The following FHIT variants were observed in gnomAD, a reference collection of about 807,000 sequenced individuals.
FHIT encodes fragile histidine triad diadenosine triphosphatase, also known as bis(5'-adenosyl)-triphosphatase.
In FHIT, 19 loss-of-function variants were observed where a neutral mutation model predicts 17.9. The observed-to-expected ratio is 1.06, with a 90% CI of 0.74 to 1.56. The LOEUF is 1.56. Ranked by LOEUF, FHIT falls within the 40% of genes most tolerant of loss-of-function variation. The pLI is 0.00. For synonymous variants in FHIT, 81 were observed against 69.7 expected, an observed-to-expected ratio of 1.16 and a Z score of -0.81; for missense variants, 248 against 189.2, an observed-to-expected ratio of 1.31 and a Z score of -1.82.
At chr3:60,371,352 T>A (rs1455106121) in intron 5 of FHIT, among the ~76,000 whole-genome samples, 2 of 149,586 alleles carry the variant, frequency 1.3e-5, no homozygotes, top group Admixed American at 1.3e-4. Context: ...AATTATTAAA[T>A]ATTTTCTTCT....
intron 7 of FHIT, among the ~76,000 whole-genome samples, chr3:59,946,915 AG>A (rs1362302799): frequency 2.0e-5 from 3 of 152,142 alleles, no homozygotes; most frequent in Admixed American, 6.6e-5. Flanking sequence ...TCAGTTTGCT[AG>A]TATTTGGTTG....
chr3:60,780,430 G>T (rs73836120), intron 4 of FHIT, among the ~76,000 whole-genome samples: 1 of 152,226 alleles, frequency 6.6e-6, no homozygotes, highest in South Asian at 2.1e-4. Context: ...TTTTTTGCCA[G>T]TCAGGCTTTT....
chr3:61,024,447 C>T (rs2032625500), intron 3 of FHIT, among the ~76,000 whole-genome samples: 1 of 152,122 alleles, frequency 6.6e-6, no homozygotes, highest in Non-Finnish European at 1.5e-5. Flanking sequence ...TTCTCCTAAG[C>T]TTTAAATTTC....
intron 5 of FHIT, among the ~76,000 whole-genome samples, chr3:60,145,158 T>C (rs1700188265): frequency 6.6e-6 from 1 of 152,340 alleles, no homozygotes; most frequent in Middle Eastern, 3.4e-3. Flanking sequence ...CCTACAATTT[T>C]TTTTTGTCCT....
rs1204266374 is a variant in FHIT, at chr3:60,712,628, T to C, written c.-18+109291A>G. 3.9e-5 allele frequency among the ~76,000 whole-genome samples: 6 copies of C among 152,234 alleles called. No homozygotes were observed. The East Asian group carries it at 1.2e-3, about 29-fold the overall frequency. ...CAAAAAAAGGCAAGGGTTGCAATCC[T>C]ACTCTCTGATAAAACAGACTTTAAA... On this transcript the variant is annotated intron_variant, in intron 4 of 9. Coordinates refer to ENST00000492590, the MANE Select transcript of FHIT (RefSeq NM_002012.4).
intron 5 of FHIT, among the ~76,000 whole-genome samples, chr3:60,262,926 A>G (rs1187759904): frequency 6.6e-6 from 1 of 151,982 alleles, no homozygotes; most frequent in Non-Finnish European, 1.5e-5. Flanking sequence ...TTAGGAAATA[A>G]AAAGCCAAGT....
At chr3:60,288,566 AGTGT>A (rs139336094) in intron 5 of FHIT, among the ~76,000 whole-genome samples, 18,644 of 144,416 alleles carry the variant, frequency 0.13, 1,325 homozygotes, top group African/African-American at 0.2. Flanking sequence ...GTTCTGGCAC[AGTGT>A]GTGTGTGTGT....
chr3:59,980,101 A>G (rs1009467611), intron 7 of FHIT, among the ~76,000 whole-genome samples: 4 of 152,130 alleles, frequency 2.6e-5, no homozygotes, highest in African/African-American at 9.7e-5. Flanking sequence ...TTAAGCTTAC[A>G]TTGCTCTTTT....
intron 2 of FHIT, among the ~76,000 whole-genome samples, chr3:61,054,400 T>C (rs1467296681): frequency 6.6e-6 from 1 of 152,078 alleles, no homozygotes; most frequent in Non-Finnish European, 1.5e-5. Context: ...TGATTCCATA[T>C]GATAAATTAC....
At chr3:59,761,176 G>T (rs1701495901) in intron 8 of FHIT, among the ~76,000 whole-genome samples, 1 of 152,210 alleles carries the variant, frequency 6.6e-6, no homozygotes, top group South Asian at 2.1e-4. Flanking sequence ...TGTGGCAAGA[G>T]CCTGACTCCC....
At chr3:60,272,146 A>G (rs1706895849) in intron 5 of FHIT, among the ~76,000 whole-genome samples, 1 of 152,226 alleles carries the variant, frequency 6.6e-6, no homozygotes, top group Non-Finnish European at 1.5e-5. Context: ...CACATCCTTC[A>G]TGCTCTGCGG....
chr3:60,486,049 C>G (rs1056317485), intron 5 of FHIT, among the ~76,000 whole-genome samples: 1 of 152,126 alleles, frequency 6.6e-6, no homozygotes, highest in Non-Finnish European at 1.5e-5. Flanking sequence ...ATAGAAGACA[C>G]TTCTGCACAC....
chr3:60,851,176 AT>A (rs2106912660), intron 3 of FHIT, among the ~76,000 whole-genome samples: 1 of 152,296 alleles, frequency 6.6e-6, no homozygotes, highest in East Asian at 1.9e-4. Flanking sequence ...GCTGAGTGGC[AT>A]CTTAAATTGA....
rs1295941048 is a variant in FHIT at position 59,991,278 on chromosome 3, T to C, written c.279+20093A>G. ...ATGTAAATTTACACAGTAAACCCAA[T>C]ACCATATAGACTTTTAGTGATATTT... is the stretch of plus-strand genomic sequence containing the variant. On this transcript the variant is annotated intron_variant, in intron 7 of 9. Coordinates refer to ENST00000492590, the MANE Select transcript of FHIT (RefSeq NM_002012.4). Among the ~76,000 whole-genome samples, 4 of 152,058 alleles carry C rather than the reference T, an allele frequency of 2.6e-5. No individual in the cohort carries two copies. In the South Asian group the frequency reaches 8.3e-4, roughly 32 times the overall value.
chr3:60,409,068 T>G (rs1158301618), intron 5 of FHIT, among the ~76,000 whole-genome samples: 5 of 152,160 alleles, frequency 3.3e-5, no homozygotes, highest in African/African-American at 1.2e-4. Flanking sequence ...TATTTGATCC[T>G]CAGTCTCCTT....
intron 5 of FHIT, among the ~76,000 whole-genome samples, chr3:60,216,711 C>G (rs766628492): frequency 6.6e-6 from 1 of 152,144 alleles, no homozygotes; most frequent in South Asian, 2.1e-4. Flanking sequence ...GGTTCCATAA[C>G]AGAGCATTTT....
At chr3:61,099,701 T>G (rs998391874) in intron 2 of FHIT, among the ~76,000 whole-genome samples, 2 of 152,192 alleles carry the variant, frequency 1.3e-5, no homozygotes, top group African/African-American at 4.8e-5. Context: ...CTTATCTGCA[T>G]AGAGGTGTTT....
At chr3:60,582,270 G>C (rs958354345) in intron 4 of FHIT, among the ~76,000 whole-genome samples, 2 of 152,024 alleles carry the variant, frequency 1.3e-5, no homozygotes, top group Non-Finnish European at 2.9e-5. Context: ...TGTCCCATGT[G>C]GGGGGCGACT....
intron 8 of FHIT, among the ~76,000 whole-genome samples, chr3:59,764,261 T>C (rs1359900335): frequency 1.3e-5 from 2 of 152,168 alleles, no homozygotes; most frequent in Non-Finnish European, 2.9e-5. Flanking sequence ...TCTTTCTGAA[T>C]GCATACCATA....
Sources: allele counts gnomAD v4.1 joint callset (sites outside exome capture counted in the v4.1 genomes callset), GRCh38; gene constraint gnomAD v4.1.1; transcripts MANE v1.5; gene names NCBI Gene and HGNC (gene_info 2026-07-23, HGNC 2026-07-21).